CCDC7: variants seen among roughly 807,000 people sequenced by gnomAD.
CCDC7 encodes coiled-coil domain containing 7, also known as coiled-coil domain-containing protein 7.
In CCDC7, 183 loss-of-function variants were observed where a neutral mutation model predicts 196.9. The observed-to-expected ratio is 0.93, with a 90% CI of 0.82 to 1.05. CCDC7 has a LOEUF of 1.05. Among genes scored for constraint, CCDC7 ranks in the 50% least tolerant of loss-of-function variants. The pLI, the probability that CCDC7 is intolerant of heterozygous loss-of-function variation, is 0.00. For synonymous variants in CCDC7, 525 were observed against 484.6 expected (o/e 1.08, Z -1.10); for missense variants, 1,540 against 1,482.2 (o/e 1.04, Z -0.64).
intron 20 of CCDC7, among the ~76,000 whole-genome samples, chr10:32,657,444 C>G (rs573560110): frequency 2.4e-4 from 36 of 152,346 alleles, no homozygotes; most frequent in African/African-American, 8.4e-4. Flanking sequence ...CTTCTTTATA[C>G]CTGCAGGCTC....
At chr10:32,709,422 A>G (rs1439641422) in intron 24 of CCDC7, among the ~76,000 whole-genome samples, 1 of 152,178 alleles carries the variant, frequency 6.6e-6, no homozygotes, top group African/African-American at 2.4e-5. Context: ...ATACATATGT[A>G]ATAATCCTGC....
chr10:32,459,058 A>G (rs1381721079), intron 3 of CCDC7, among the ~76,000 whole-genome samples: 1 of 152,110 alleles, frequency 6.6e-6, no homozygotes, highest in East Asian at 1.9e-4. Context: ...TGTAGCTATT[A>G]TAAATGGGAT....
intron 28 of CCDC7, among the ~76,000 whole-genome samples, chr10:32,777,342 A>G (rs1209070264): frequency 6.6e-6 from 1 of 152,208 alleles, no homozygotes; most frequent in Non-Finnish European, 1.5e-5. Flanking sequence ...TGGTGAACGT[A>G]TGGATGCATG....
chr10:32,855,071 A>C (rs552736445), intron 41 of CCDC7, among the ~76,000 whole-genome samples: 2 of 152,338 alleles, frequency 1.3e-5, no homozygotes, highest in South Asian at 4.1e-4. Context: ...AGCCAGAACT[A>C]GACTTTTCAT....
At chr10:32,871,259 T>C (rs1182142263) in intron 41 of CCDC7, among the ~76,000 whole-genome samples, 1 of 152,170 alleles carries the variant, frequency 6.6e-6, no homozygotes, top group Non-Finnish European at 1.5e-5. Context: ...AAGCTATTAA[T>C]TATTGCCTCA....
At chr10:32,730,933 A>G (rs968998474) in intron 28 of CCDC7, among the ~76,000 whole-genome samples, 1 of 152,090 alleles carries the variant, frequency 6.6e-6, no homozygotes, top group Admixed American at 6.5e-5. Flanking sequence ...ATGGATATGT[A>G]TTCTGCTACA....
In CCDC7 at chr10:32,828,500, A is replaced by G. The variant is rs1013746073; in HGVS notation, c.3268+3896A>G. 5.9e-3 allele frequency among the ~76,000 whole-genome samples: 688 copies of G among 116,630 alleles called. 4 individuals carry two copies. Among genetic ancestry groups the G allele is most frequent in the East Asian group, 9.0e-3 (31 of 3,442 alleles). 76.5% of individuals were successfully genotyped at this position (116,630 alleles called of 152,430 possible). On this transcript the variant is annotated intron_variant, in intron 32 of 41. Transcript: ENST00000639629. Reference sequence around the variant, plus strand: ...AAGAGGAAGAGGAAGAAGAAGAAGAAGAAGAAGAAGAAGAAGAAGAAGAAG... The same window carrying G: ...AAGAGGAAGAGGAAGAAGAAGAAGAGGAAGAAGAAGAAGAAGAAGAAGAAG...
At chr10:32,741,175 G>A (rs944296998) in intron 28 of CCDC7, among the ~76,000 whole-genome samples, 1 of 151,894 alleles carries the variant, frequency 6.6e-6, no homozygotes, top group Non-Finnish European at 1.5e-5. Flanking sequence ...TTTTTCCTAG[G>A]TAGTAGATTA....
chr10:32,443,675 C>T (rs191684465), upstream of CCDC7, among the ~76,000 whole-genome samples: 20 of 152,172 alleles, frequency 1.3e-4, 1 homozygote, highest in East Asian at 1.5e-3. Context: ...TGTCTAACTT[C>T]GTGTAATATA....
chr10:32,647,163 T>C (rs1273858799), intron 20 of CCDC7, among the ~76,000 whole-genome samples: 1 of 151,818 alleles, frequency 6.6e-6, no homozygotes. Context: ...TCCAAACTGC[T>C]TTCCATAGTG....
intron 8 of CCDC7, among the ~76,000 whole-genome samples, chr10:32,479,932 T>C (rs2039666538): frequency 2.0e-5 from 3 of 152,052 alleles, no homozygotes; most frequent in Admixed American, 2.0e-4. Flanking sequence ...TGATTTAGTC[T>C]TGGTGGGTTG....
rs528389851 is a variant in CCDC7 at position 32,673,518 on chromosome 10, T to A, written c.2122+9357T>A. ...ATTGCTAGTATTTTTTCCTTTTTGA[T>A]GTGATTGTAAGTAGGATTGATTTTG... On this transcript the variant is annotated intron_variant, in intron 21 of 41. Transcript: ENST00000639629. 3.9e-5 allele frequency among the ~76,000 whole-genome samples: 6 copies of A among 152,204 alleles called. No individual in the cohort carries two copies. The South Asian group carries it at 1.0e-3, about 26-fold the overall frequency.
At chr10:32,814,166 C>T (rs2087830300) in intron 30 of CCDC7, among the ~76,000 whole-genome samples, 1 of 152,078 alleles carries the variant, frequency 6.6e-6, no homozygotes, top group Admixed American at 6.5e-5. Flanking sequence ...CCATGTTGGC[C>T]AGGATGGTCT....
At chr10:32,530,926 T>C (rs2049547597) in intron 11 of CCDC7, among the ~76,000 whole-genome samples, 2 of 152,212 alleles carry the variant, frequency 1.3e-5, no homozygotes, top group African/African-American at 2.4e-5. Context: ...TTTTGAGTTA[T>C]GTTCCATCTA....
At chr10:32,573,680 A>T (rs893110776) in intron 16 of CCDC7, among the ~76,000 whole-genome samples, 6 of 152,186 alleles carry the variant, frequency 3.9e-5, no homozygotes, top group Admixed American at 2.6e-4. Context: ...CATCAAGATT[A>T]AAAAAATCAT....
intron 5 of CCDC7, among the ~76,000 whole-genome samples, chr10:32,465,293 C>T (rs1307411752): frequency 1.3e-5 from 2 of 152,114 alleles, no homozygotes; most frequent in African/African-American, 2.4e-5. Context: ...TTCAGAGCCA[C>T]ATTTATTTTT....
At chr10:32,473,243 A>G (rs543410529) in intron 7 of CCDC7, among the ~76,000 whole-genome samples, 4 of 152,352 alleles carry the variant, frequency 2.6e-5, no homozygotes, top group African/African-American at 4.8e-5. Context: ...CTAAGGAGTT[A>G]GAAGGCTTTA....
intron 18 of CCDC7, among the ~76,000 whole-genome samples, chr10:32,626,410 G>A (rs967881228): frequency 2.0e-5 from 3 of 151,508 alleles, no homozygotes; most frequent in Non-Finnish European, 4.4e-5. Flanking sequence ...TTTAAATTGG[G>A]TTTTCTATTT....
chr10:32,759,119 C>A (rs2076983259), intron 28 of CCDC7, among the ~76,000 whole-genome samples: 1 of 152,164 alleles, frequency 6.6e-6, no homozygotes, highest in Non-Finnish European at 1.5e-5. Context: ...GAAGAACATT[C>A]CATGCTCATG....
Sources: gnomAD v4.1 joint callset for allele counts (sites outside exome capture counted in the v4.1 genomes callset) on GRCh38, gnomAD v4.1.1 for gene constraint, MANE v1.5 for transcripts, NCBI Gene and HGNC (gene_info 2026-07-23, HGNC 2026-07-21) for gene names.